Variants in PKP4 observed in about 807,000 individuals in gnomAD.
The protein encoded by PKP4 is plakophilin 4.
Under a neutral mutation model 145.1 loss-of-function variants are expected in PKP4, and 90 were observed. The ratio of observed to expected loss-of-function variants is 0.62; its 90% CI spans 0.52 to 0.74. The LOEUF is 0.74. Among genes scored for constraint, PKP4 ranks in the 30% least tolerant of loss-of-function variants. The pLI is 0.00. For synonymous variants in PKP4, 563 were observed against 577.2 expected (o/e 0.98, Z 0.35); for missense variants, 1,340 against 1,482.7 (o/e 0.90, Z 1.58).
At chr2:158,663,793 G>T (rs2056833206) in intron 15 of PKP4, among the ~76,000 whole-genome samples, 1 of 152,210 alleles carries the variant, frequency 6.6e-6, no homozygotes, top group African/African-American at 2.4e-5. Context: ...AGCGGAGTAA[G>T]GACGTGGAGG....
rs10168077 is a variant in PKP4 at position 158,652,403 on chromosome 2, A to G, written c.1910-5728A>G. Among the ~76,000 whole-genome samples the G allele has an allele frequency of 4.6e-3, 698 of 152,334 alleles. 4 individuals carry two copies. Among genetic ancestry groups the G allele is most frequent in the African/African-American group, 0.016 (661 of 41,570 alleles). Reference sequence around the variant, plus strand: ...CATATTGTAGCAGGATGTAGGTGCCATAGCATCTTGGCATTACTCTCGTCC... The same window carrying G: ...CATATTGTAGCAGGATGTAGGTGCCGTAGCATCTTGGCATTACTCTCGTCC... On this transcript the variant is annotated intron_variant, in intron 11 of 21. Coordinates refer to ENST00000389759, the MANE Select transcript of PKP4 (RefSeq NM_003628.6).
At chr2:158,592,334 A>G (rs564616551) in intron 3 of PKP4, among the ~76,000 whole-genome samples, 6 of 152,170 alleles carry the variant, frequency 3.9e-5, no homozygotes, top group African/African-American at 1.4e-4. Context: ...AGTATATGCT[A>G]TGTAGAATAT....
chr2:158,566,861 A>G (rs1426165070), intron 2 of PKP4, among the ~76,000 whole-genome samples: 1 of 152,192 alleles, frequency 6.6e-6, no homozygotes, highest in Non-Finnish European at 1.5e-5. Context: ...ATATCTATAC[A>G]TCCTATCTAT....
intron 4 of PKP4, among the ~76,000 whole-genome samples, chr2:158,608,808 C>CTTTTTTTTTTTTTT (rs66933766): frequency 4.6e-5 from 4 of 86,182 alleles, no homozygotes; most frequent in African/African-American, 1.0e-4. Flanking sequence ...TCTTTTCTTT[C>CTTTTTTTTTTTTTT]TTTTTTTTTT....
At chr2:158,528,292 G>A (rs1238150636) in intron 1 of PKP4, among the ~76,000 whole-genome samples, 1 of 147,622 alleles carries the variant, frequency 6.8e-6, no homozygotes, top group Non-Finnish European at 1.5e-5. Flanking sequence ...ATACACCATG[G>A]AATACTATGC....
At chr2:158,558,847 T>G (rs2046300722) in intron 2 of PKP4, among the ~76,000 whole-genome samples, 1 of 152,010 alleles carries the variant, frequency 6.6e-6, no homozygotes, top group African/African-American at 2.4e-5. Context: ...TCTGAGTAGT[T>G]TAGGAGGTCC....
At chr2:158,494,620 C>T (rs1695413857) in intron 1 of PKP4, among the ~76,000 whole-genome samples, 1 of 152,128 alleles carries the variant, frequency 6.6e-6, no homozygotes, top group Non-Finnish European at 1.5e-5. Flanking sequence ...AGACCAGTTG[C>T]AAAGACTTTT....
chr2:158,585,900 A>AC (rs1329222125), intron 3 of PKP4, among the ~76,000 whole-genome samples: 1 of 150,908 alleles, frequency 6.6e-6, no homozygotes, highest in Non-Finnish European at 1.5e-5. Context: ...CAAAAAAAAA[A>AC]AAAAAACCCT....
chr2:158,523,291 G>A (rs1193588699), intron 1 of PKP4, among the ~76,000 whole-genome samples: 1 of 143,082 alleles, frequency 7.0e-6, no homozygotes, highest in Non-Finnish European at 1.5e-5. Context: ...TCTGAGAACG[G>A]GCAGACTACC....
chr2:158,600,193 G>A (rs888033938), intron 3 of PKP4, among the ~76,000 whole-genome samples: 2 of 152,152 alleles, frequency 1.3e-5, no homozygotes, highest in African/African-American at 4.8e-5. Flanking sequence ...CAGCCCCAAG[G>A]TTATTAGTGG....
chr2:158,507,492 A>G (rs530803926), intron 1 of PKP4, among the ~76,000 whole-genome samples: 1 of 152,254 alleles, frequency 6.6e-6, no homozygotes, highest in African/African-American at 2.4e-5. Flanking sequence ...AACTCTTTCT[A>G]ATGTGTTTCA....
At chr2:158,606,350 T>A (rs543427820) in intron 4 of PKP4, among the ~76,000 whole-genome samples, 14,026 of 151,418 alleles carry the variant, frequency 0.093, 832 homozygotes, top group Middle Eastern at 0.17. Context: ...AAAAAAAAAA[T>A]AATAATAAAA....
intron 3 of PKP4, among the ~76,000 whole-genome samples, chr2:158,591,849 A>C (rs1167459440): frequency 6.6e-6 from 1 of 152,108 alleles, no homozygotes; most frequent in Non-Finnish European, 1.5e-5. Context: ...GACAGGGAGA[A>C]AAAAGAGGGA....
At chr2:158,668,168 C>CTTT (rs779923239) in intron 16 of PKP4, among the ~76,000 whole-genome samples, 1 of 135,922 alleles carries the variant, frequency 7.4e-6, no homozygotes. Context: ...CAGTGATGAG[C>CTTT]TTTTTTTTTT....
In PKP4 at chr2:158,666,431, G is replaced by A. The variant is rs1313352365; in HGVS notation, c.2596G>A (p.Ala866Thr). 1 of 1,606,372 alleles carries A rather than the reference G, an allele frequency of 6.2e-7. No homozygotes were observed. The highest frequency in any genetic ancestry group is 1.1e-5 in the South Asian group (1 of 89,044). ...GNWKFAAYIR[A>T]AVRKEKGLPI... Reference sequence around the variant, plus strand: ...TCACTAGTTTGCAGCATATATCCGGGCGGCCGTCCGAAAAGAAAAGGGGCT... The same window carrying A: ...TCACTAGTTTGCAGCATATATCCGGACGGCCGTCCGAAAAGAAAAGGGGCT... Residue 866 changes from alanine to threonine, a missense_variant, in exon 16 of 22, where the codon GCG (alanine) becomes ACG (threonine). Physicochemically the swap from Ala to Thr is moderately conservative, Grantham distance 58. Coordinates refer to ENST00000389759, the MANE Select transcript of PKP4 (RefSeq NM_003628.6).
chr2:158,679,817 ATTC>A (rs1414812883), intron 21 of PKP4, among the ~76,000 whole-genome samples: 2 of 152,186 alleles, frequency 1.3e-5, no homozygotes, highest in Non-Finnish European at 2.9e-5. Flanking sequence ...TAATTTTACT[ATTC>A]TTCTGCCTTG....
At chr2:158,663,676 A>C (rs1320393215) in intron 15 of PKP4, among the ~76,000 whole-genome samples, 1 of 152,150 alleles carries the variant, frequency 6.6e-6, no homozygotes, top group African/African-American at 2.4e-5. Context: ...TAGTGAGAAA[A>C]ACAGATGGTG....
At chr2:158,678,428 A>C (rs2058203651) in intron 20 of PKP4, among the ~76,000 whole-genome samples, 153 bp from the exon 21 acceptor site, 1 of 152,168 alleles carries the variant, frequency 6.6e-6, no homozygotes, top group South Asian at 2.1e-4. Flanking sequence ...AGATCCAGGG[A>C]CCCTGAGCTG....
intron 11 of PKP4, among the ~76,000 whole-genome samples, chr2:158,643,305 C>A (rs2054480331): frequency 6.6e-6 from 1 of 152,100 alleles, no homozygotes; most frequent in Non-Finnish European, 1.5e-5. Context: ...TGAAGTTGGC[C>A]TAAGGGATGA....
Sources: allele counts gnomAD v4.1 joint callset (sites outside exome capture counted in the v4.1 genomes callset), GRCh38; gene constraint gnomAD v4.1.1; transcripts MANE v1.5; gene names NCBI Gene and HGNC (gene_info 2026-07-23, HGNC 2026-07-21).